CCDC42: variants seen among roughly 807,000 people sequenced by gnomAD.
CCDC42 encodes the protein coiled-coil domain-containing protein 42.
In CCDC42, 38 loss-of-function variants were observed where a neutral mutation model predicts 40.8. The ratio of observed to expected loss-of-function variants is 0.93; its 90% CI spans 0.72 to 1.22. The LOEUF is 1.22. Among genes scored for constraint, CCDC42 ranks in the 50% most tolerant of loss-of-function variants. The probability of loss-of-function intolerance (pLI) is 0.00; values close to 1 mark genes in which losing one functional copy is unlikely to be tolerated. For synonymous variants in CCDC42, 135 were observed against 157.5 expected, an observed-to-expected ratio of 0.86 and a Z score of 1.07; for missense variants, 379 against 416.5, an observed-to-expected ratio of 0.91 and a Z score of 0.78.
At chr17:8,742,874 G>A (rs2086653633) in intron 3 of CCDC42, among the ~76,000 whole-genome samples, 1 of 152,220 alleles carries the variant, frequency 6.6e-6, no homozygotes, top group Non-Finnish European at 1.5e-5. Context: ...AATGCCTCAC[G>A]CCCAAATCTC....
Position 8,741,581 on chromosome 17 carries a change from T to C in CCDC42, c.385A>G (p.Lys129Glu), listed in dbSNP as rs745575727. Residue 129 changes from lysine (K) to glutamate (E), a missense_variant, in exon 4 of 7, where the codon AAG becomes GAG. Physicochemically the swap from Lys to Glu is moderately conservative, Grantham distance 56 (BLOSUM62 1). Coordinates refer to ENST00000293845, the MANE Select transcript of CCDC42 (RefSeq NM_144681.3). ...AGCCGCAGCGCCACCATCTCCTGCT[T>C]GCGCTTGGTCAGCTCCTGCATGTGC... ...CQHMQELTKR[K>E]QEMVALRLEH... 3.1e-6 allele frequency: 5 copies of C among 1,614,220 alleles called. No individual in the cohort carries two copies.
Position 8,744,159 on chromosome 17 carries a change from A to T in CCDC42, c.109T>A (p.Ser37Thr), listed in dbSNP as rs371866861. Reference sequence around the variant, plus strand: ...AGTAGCCAGATGGATGGGGACTCCGACGCCCCCTCAACATTGGGGAGTTTC... The same window carrying T: ...AGTAGCCAGATGGATGGGGACTCCGTCGCCCCCTCAACATTGGGGAGTTTC... ...LQKLPNVEGA[S>T]ESPSIWLLEK... is the part of the protein sequence containing the mutation. The change falls in exon 2 of 7, where the codon TCG becomes ACG. Residue 37 changes from serine to threonine, a missense_variant. Physicochemically the swap from Ser to Thr is moderately conservative, Grantham distance 58. Coordinates refer to ENST00000293845, the MANE Select transcript of CCDC42 (RefSeq NM_144681.3). The T allele has an allele frequency of 4.2e-5, 68 of 1,613,658 alleles. No homozygotes were observed. Among genetic ancestry groups the T allele is most frequent in the East Asian group, 2.5e-4 (11 of 44,866 alleles).
Position 8,735,683 on chromosome 17 carries a change from C to T in CCDC42, c.493-72G>A, listed in dbSNP as rs2086607718. 2.2e-6 allele frequency: 3 copies of T among 1,339,672 alleles called. No individual in the cohort carries two copies. The highest frequency in any genetic ancestry group is 3.1e-6 in the Non-Finnish European group (3 of 973,182). The allele number at this position is 1,339,672 out of a possible 1,614,324, so 83.0% of individuals were successfully genotyped here. A position where few individuals can be genotyped will look rare whatever the true frequency, so the allele number is the denominator to read the frequency against. On this transcript the variant is annotated intron_variant, in intron 4 of 6. Transcript: ENST00000293845. This position sits in a 1 kb window ranked among gnomAD's most constrained non-coding sequence, Gnocchi z 4.7. ...GAGGGAGCCACCCAGTCCTGCCAACCTCCAGCCTGGATGCCTGGACACCTG... is the reference window on the plus strand; with the variant it reads ...GAGGGAGCCACCCAGTCCTGCCAACTTCCAGCCTGGATGCCTGGACACCTG...
At chr17:8,741,803 C>A in intron 3 of CCDC42, 132 bp from the exon 4 acceptor site, 1 of 827,830 alleles carries the variant, frequency 1.2e-6, no homozygotes. Flanking sequence ...GCAGAGATTG[C>A]TGGGCCACCC....
At chr17:8,737,013 GA>G (rs972314224) in intron 4 of CCDC42, among the ~76,000 whole-genome samples, 7 of 94,360 alleles carry the variant, frequency 7.4e-5, no homozygotes, top group South Asian at 3.4e-4. Context: ...GGAAGGAAAA[GA>G]AAAAAAGAAA....
At chr17:8,744,301 C>A (rs577492727) in intron 1 of CCDC42, 117 bp from the exon 2 acceptor site, 2 of 806,406 alleles carry the variant, frequency 2.5e-6, no homozygotes, top group Middle Eastern at 3.3e-4. Context: ...TCTCCCTTTC[C>A]GAGGGAAAGG....
At chr17:8,734,843 C>T (rs2086600166) in intron 6 of CCDC42, among the ~76,000 whole-genome samples, 1 of 152,162 alleles carries the variant, frequency 6.6e-6, no homozygotes, top group Admixed American at 6.5e-5. Context: ...AAGTATGGAA[C>T]CCGAACCAGC....
chr17:8,739,513 T>C (rs2086629256), intron 4 of CCDC42, among the ~76,000 whole-genome samples: 1 of 152,214 alleles, frequency 6.6e-6, no homozygotes, highest in Admixed American at 6.5e-5. Flanking sequence ...TTCCCAACTC[T>C]GAATTCAAGA....
chr17:8,741,424 G>A, intron 4 of CCDC42, 50 bp downstream of exon 4: 1 of 1,556,300 alleles, frequency 6.4e-7, no homozygotes, highest in Non-Finnish European at 8.9e-7. Flanking sequence ...GGGAAGAGAG[G>A]TGGGGCTGAG....
rs113726847 is a variant in CCDC42 at position 8,735,492 on chromosome 17, C to T, written c.612G>A (p.Ala204=). 2.5e-3 allele frequency: 4,041 copies of T among 1,614,054 alleles called. 65 individuals are homozygous for T. In the African/African-American group the frequency reaches 0.044, roughly 18 times the overall value. Residue 204 remains alanine (A), a synonymous_variant, in exon 5 of 7, where the codon GCG becomes GCA. Transcript: ENST00000293845. The surrounding 1 kb of genome is among the most constrained non-coding windows in gnomAD (Gnocchi z 4.7). ...EKIERAKARL[A]RYMEEKDDEI... ...CATCATCCTTTTCCTCCATGTAGCGCGCCAGCCGGGCCTTGGCGCGCTCAA... is the reference window on the plus strand; with the variant it reads ...CATCATCCTTTTCCTCCATGTAGCGTGCCAGCCGGGCCTTGGCGCGCTCAA...
chr17:8,741,451 G>GC, intron 4 of CCDC42, 23 bp downstream of exon 4: 1 of 1,608,588 alleles, frequency 6.2e-7, no homozygotes, highest in Non-Finnish European at 8.5e-7. Flanking sequence ...GCCAGGGCCG[G>GC]CCCCCCTGCT....
At chr17:8,742,551 T>C (rs1462180337) in intron 3 of CCDC42, among the ~76,000 whole-genome samples, 1 of 152,220 alleles carries the variant, frequency 6.6e-6, no homozygotes, top group African/African-American at 2.4e-5. Flanking sequence ...GTGTGGCTCC[T>C]TTCTCCCTTC....
chr17:8,737,845 T>G (rs1300629566), intron 4 of CCDC42, among the ~76,000 whole-genome samples: 1 of 152,234 alleles, frequency 6.6e-6, no homozygotes, highest in African/African-American at 2.4e-5. Context: ...AGACAGGGTC[T>G]CACTCTATTG....
intron 4 of CCDC42, among the ~76,000 whole-genome samples, chr17:8,739,635 T>C (rs955499556): frequency 6.6e-6 from 1 of 152,148 alleles, no homozygotes; most frequent in Non-Finnish European, 1.5e-5. Flanking sequence ...CTCCGCCTCC[T>C]GGGTTCAAGC....
In CCDC42 at chr17:8,730,214, AGG is replaced by A. The variant is rs2086571632; in HGVS notation, c.874-9_874-8del. Reference sequence around the variant, plus strand: ...CTTGGATAAATTGCTGGATCTAGAAAGGCAAGGAGCCCAGCGTTAACTCCGCC... The same window carrying A: ...CTTGGATAAATTGCTGGATCTAGAAACAAGGAGCCCAGCGTTAACTCCGCC... On this transcript the variant is annotated splice_polypyrimidine_tract_variant and splice_region_variant and intron_variant, in intron 6 of 6. Coordinates refer to ENST00000293845, the MANE Select transcript of CCDC42 (RefSeq NM_144681.3). 6 of 1,612,840 alleles carry A rather than the reference AGG, an allele frequency of 3.7e-6. No individual in the cohort carries two copies. The highest frequency in any genetic ancestry group is 5.1e-6 in the Non-Finnish European group (6 of 1,179,232).
At position 8,735,962 on chromosome 17, in the gene CCDC42, C is replaced by A. The variant is rs2086609674; in HGVS notation, c.493-351G>T. The stretch of plus-strand genomic sequence containing the variant: ...TAAACAAGTCTTCTGTGGTCTCTGG[C>A]ATCTGAATTTTGCAAAAGGTCCCCT... On this transcript the variant is annotated intron_variant, in intron 4 of 6. Coordinates refer to ENST00000293845, the MANE Select transcript of CCDC42 (RefSeq NM_144681.3). The surrounding 1 kb of genome is among the most constrained non-coding windows in gnomAD (Gnocchi z 4.7). 6.6e-6 allele frequency among the ~76,000 whole-genome samples: 1 copy of A among 152,198 alleles called. No individual in the cohort carries two copies. Among genetic ancestry groups the A allele is most frequent in the Non-Finnish European group, 1.5e-5 (1 of 68,028 alleles).
At chr17:8,737,378 G>A (rs2086618641) in intron 4 of CCDC42, among the ~76,000 whole-genome samples, 1 of 152,106 alleles carries the variant, frequency 6.6e-6, no homozygotes, top group South Asian at 2.1e-4. Flanking sequence ...TAAGTGCAAA[G>A]GATTAAAACA....
rs1171134080 is a variant in CCDC42, at chr17:8,730,102, C to T, written c.*28G>A. The T allele has an allele frequency of 5.6e-6, 9 of 1,607,958 alleles. No individual in the cohort carries two copies. The South Asian group carries it at 8.8e-5, about 16-fold the overall frequency. Reference sequence around the variant, plus strand: ...ACTTCTTCTTTCACGATCTCTGTCTCAGGACATTCTGGAACAAGGCTGCCT... The same window carrying T: ...ACTTCTTCTTTCACGATCTCTGTCTTAGGACATTCTGGAACAAGGCTGCCT... On this transcript the variant is annotated 3_prime_UTR_variant, in exon 7 of 7. Transcript: ENST00000293845.
rs755488814 is a variant in CCDC42 at position 8,730,145 on chromosome 17, CTGT to C, written c.933_935del (p.Gln312del). On this transcript the variant is annotated inframe_deletion, in exon 7 of 7. Coordinates refer to ENST00000293845, the MANE Select transcript of CCDC42 (RefSeq NM_144681.3). ...GGCTGCCTCCTTAAATCCGGACTCGCTGTTGTTCCTTCTTTTTCACCTCTGCCC... is the reference window on the plus strand; with the variant it reads ...GGCTGCCTCCTTAAATCCGGACTCGCTGTTCCTTCTTTTTCACCTCTGCCC... The C allele has an allele frequency of 1.2e-6, 2 of 1,613,902 alleles. No individual in the cohort carries two copies.
Sources: allele counts gnomAD v4.1 joint callset (sites outside exome capture counted in the v4.1 genomes callset), GRCh38; gene constraint gnomAD v4.1.1; non-coding constraint Gnocchi (gnomAD v3.1); transcripts MANE v1.5; gene names NCBI Gene and HGNC (gene_info 2026-07-23, HGNC 2026-07-21).